Variants in INPP4B observed in about 807,000 individuals in gnomAD.
The protein encoded by INPP4B is inositol polyphosphate-4-phosphatase type II B, also known as inositol polyphosphate 4-phosphatase type II.
INPP4B carries 55 observed loss-of-function variants against 122.5 expected under a neutral mutation model. The ratio of observed to expected loss-of-function variants is 0.45; its 90% confidence interval spans 0.36 to 0.56. INPP4B has a LOEUF of 0.56. INPP4B is among the 20% of genes least tolerant of loss of function. The probability of loss-of-function intolerance (pLI) is 0.00; values close to 1 mark genes in which losing one functional copy is unlikely to be tolerated. For synonymous variants in INPP4B, 403 were observed against 388.7 expected, an observed-to-expected ratio of 1.04 and a Z score of -0.43; for missense variants, 1,000 against 1,097.7, an observed-to-expected ratio of 0.91 and a Z score of 1.26.
intron 23 of INPP4B, among the ~76,000 whole-genome samples, chr4:142,104,822 A>G (rs1786179279): frequency 6.6e-6 from 1 of 152,176 alleles, no homozygotes; most frequent in African/African-American, 2.4e-5. Context: ...GATTACTTAT[A>G]ATACTTCATG....
intron 25 of INPP4B, among the ~76,000 whole-genome samples, chr4:142,061,448 G>A (rs1376002345): frequency 2.0e-5 from 3 of 152,092 alleles, no homozygotes; most frequent in Non-Finnish European, 4.4e-5. Flanking sequence ...CAATTAATGT[G>A]TAAACAAACA....
At chr4:142,199,604 C>G (rs1424523436) in intron 14 of INPP4B, among the ~76,000 whole-genome samples, 3 of 152,010 alleles carry the variant, frequency 2.0e-5, no homozygotes, top group African/African-American at 7.2e-5. Context: ...GCCTTCCATT[C>G]AACTGTCAGG....
chr4:142,678,269 T>C (rs1758104247), intron 2 of INPP4B, among the ~76,000 whole-genome samples: 1 of 151,926 alleles, frequency 6.6e-6, no homozygotes, highest in African/African-American at 2.4e-5. Context: ...TCTAGTCCTG[T>C]AACAAGCCTG....
At chr4:142,614,913 A>G (rs983997115) in intron 2 of INPP4B, among the ~76,000 whole-genome samples, 1 of 152,200 alleles carries the variant, frequency 6.6e-6, no homozygotes, top group Non-Finnish European at 1.5e-5. Context: ...GAGGATGCAG[A>G]GAAAAAGGAA....
intron 9 of INPP4B, among the ~76,000 whole-genome samples, chr4:142,271,469 C>T (rs1745797104): frequency 1.3e-5 from 2 of 152,184 alleles, no homozygotes; most frequent in South Asian, 4.1e-4. Context: ...ATCACAGAAA[C>T]TGTGGCCAAG....
At chr4:142,491,685 G>C (rs1821898442) in intron 2 of INPP4B, among the ~76,000 whole-genome samples, 1 of 151,856 alleles carries the variant, frequency 6.6e-6, no homozygotes, top group Admixed American at 6.6e-5. Context: ...CCAAGAGTGT[G>C]AATATATATT....
In INPP4B at chr4:142,522,897, T is replaced by C. The variant is rs1025874167; in HGVS notation, c.-190-60171A>G. 5.9e-5 allele frequency among the ~76,000 whole-genome samples: 9 copies of C among 152,154 alleles called. No homozygotes were observed. The South Asian group carries it at 6.2e-4, about 11-fold the overall frequency. On this transcript the variant is annotated intron_variant, in intron 2 of 25. Coordinates refer to ENST00000262992, the MANE Select transcript of INPP4B (RefSeq NM_001101669.3). ...ATTTTAAAGTGGCTACCACAGTAAC[T>C]TGCATGTAAAGGGTGTTCAAAATAG...
At chr4:142,580,537 G>A (rs1356879895) in intron 2 of INPP4B, among the ~76,000 whole-genome samples, 1 of 151,944 alleles carries the variant, frequency 6.6e-6, no homozygotes, top group Non-Finnish European at 1.5e-5. Context: ...CGACAGCTGT[G>A]GTGAAAATCT....
intron 9 of INPP4B, among the ~76,000 whole-genome samples, chr4:142,286,139 C>T (rs917403981): frequency 5.9e-5 from 9 of 152,074 alleles, no homozygotes; most frequent in African/African-American, 1.9e-4. Context: ...AACAGTATTC[C>T]GCTTTAATTC....
chr4:142,488,827 TC>T (rs1187427750), intron 2 of INPP4B, among the ~76,000 whole-genome samples: 13 of 152,090 alleles, frequency 8.5e-5, no homozygotes, highest in African/African-American at 2.9e-4. Flanking sequence ...AAACACAACT[TC>T]CAGTCTTTTA....
chr4:142,645,135 T>C (rs1751459361), intron 2 of INPP4B, among the ~76,000 whole-genome samples: 1 of 152,140 alleles, frequency 6.6e-6, no homozygotes, highest in East Asian at 1.9e-4. Context: ...TTAAATTCTG[T>C]CTCACAATTT....
intron 25 of INPP4B, among the ~76,000 whole-genome samples, chr4:142,055,792 G>A (rs1365129278): frequency 6.6e-6 from 1 of 151,924 alleles, no homozygotes; most frequent in Non-Finnish European, 1.5e-5. Flanking sequence ...TGGTTTCATG[G>A]AAGACCATTT....
At chr4:142,266,309 A>G (rs1447196105) in intron 10 of INPP4B, among the ~76,000 whole-genome samples, 3 of 152,182 alleles carry the variant, frequency 2.0e-5, no homozygotes, top group Non-Finnish European at 4.4e-5. Flanking sequence ...GATATTAGTT[A>G]ATAACCTGAT....
intron 25 of INPP4B, among the ~76,000 whole-genome samples, chr4:142,067,519 C>T (rs11932936): frequency 0.026 from 3,888 of 152,058 alleles, 185 homozygotes; most frequent in African/African-American, 0.089. Flanking sequence ...CGATCGGTAA[C>T]AACAAACTTC....
At chr4:142,755,162 G>C (rs1426320140) in intron 1 of INPP4B, among the ~76,000 whole-genome samples, 1 of 151,866 alleles carries the variant, frequency 6.6e-6, no homozygotes, top group African/African-American at 2.4e-5. Flanking sequence ...CTTTTCTTAA[G>C]TTAGCATTGA....
chr4:142,485,112 C>T (rs1344672758), intron 2 of INPP4B, among the ~76,000 whole-genome samples: 5 of 152,090 alleles, frequency 3.3e-5, no homozygotes, highest in Admixed American at 3.3e-4. Flanking sequence ...AGAAAGCATG[C>T]ACCAATAAAT....
chr4:142,250,871 A>T (rs141968001), intron 11 of INPP4B, among the ~76,000 whole-genome samples: 1 of 152,318 alleles, frequency 6.6e-6, no homozygotes, highest in East Asian at 1.9e-4. Flanking sequence ...CCATAAAAGG[A>T]AAAAAGCAAT....
At chr4:142,246,145 T>C (rs188716467) in intron 11 of INPP4B, among the ~76,000 whole-genome samples, 25 of 150,664 alleles carry the variant, frequency 1.7e-4, no homozygotes, top group East Asian at 3.9e-4. Flanking sequence ...CATATATATA[T>C]ACATATATGT....
In INPP4B at chr4:142,058,530, C is replaced by G. The variant is rs868771459; in HGVS notation, c.2642+23501G>C. 2.6e-4 allele frequency among the ~76,000 whole-genome samples: 39 copies of G among 152,130 alleles called. 1 individual carries two copies. The highest frequency in any genetic ancestry group is 7.7e-4 in the African/African-American group (32 of 41,524). On this transcript the variant is annotated intron_variant, in intron 25 of 25. Coordinates refer to ENST00000262992, the MANE Select transcript of INPP4B (RefSeq NM_001101669.3). Reference sequence around the variant, plus strand: ...AAAAGCACACAGTAGTACAAGAGACCACACGCTCTCCAGTTCAATATTACG... The same window carrying G: ...AAAAGCACACAGTAGTACAAGAGACGACACGCTCTCCAGTTCAATATTACG...
Sources: gnomAD v4.1 joint callset for allele counts (sites outside exome capture counted in the v4.1 genomes callset) on GRCh38, gnomAD v4.1.1 for gene constraint, MANE v1.5 for transcripts, NCBI Gene and HGNC (gene_info 2026-07-23, HGNC 2026-07-21) for gene names.